Variants in GMEB2 observed in about 807,000 individuals in gnomAD.
The protein encoded by GMEB2 is glucocorticoid modulatory element binding protein 2, also known as glucocorticoid modulatory element-binding protein 2.
In GMEB2, 7 loss-of-function variants were observed where a neutral mutation model predicts 45.7. That is an observed-to-expected ratio of 0.15 (90% CI 0.09 to 0.29). GMEB2 has a LOEUF of 0.29. GMEB2 is among the 10% of genes least tolerant of loss of function. The probability of loss-of-function intolerance (pLI) is 1.00; values close to 1 mark genes in which losing one functional copy is unlikely to be tolerated. For synonymous variants in GMEB2, 322 were observed against 323.6 expected (o/e 1.00, Z 0.05); for missense variants, 582 against 739.2 (o/e 0.79, Z 2.47).
At chr20:63,601,663 T>C (rs1345318689) in intron 4 of GMEB2, among the ~76,000 whole-genome samples, 1 of 152,176 alleles carries the variant, frequency 6.6e-6, no homozygotes, top group Non-Finnish European at 1.5e-5. Flanking sequence ...TGTTAAGCCA[T>C]GGCACCCGGC....
In GMEB2 at chr20:63,619,165, A is replaced by C. The variant is rs916344808; in HGVS notation, c.131+102T>G. 1 of 1,214,848 alleles carries C rather than the reference A, an allele frequency of 8.2e-7. No homozygotes were observed. The highest frequency in any genetic ancestry group is 1.6e-5 in the South Asian group (1 of 61,056). The allele number at this position is 1,214,848 out of a possible 1,614,324, so 75.3% of individuals were successfully genotyped here. A position where few individuals can be genotyped will look rare whatever the true frequency, so the allele number is the denominator to read the frequency against. On this transcript the variant is annotated intron_variant, in intron 2 of 9. Coordinates refer to ENST00000370077, the MANE Select transcript of GMEB2 (RefSeq NM_012384.5). The surrounding 1 kb of genome is among the most constrained non-coding windows in gnomAD (Gnocchi z 4.6). The stretch of plus-strand genomic sequence containing the variant: ...CAGTCTCAGAAGAACTGGAACTAGA[A>C]AAATCCTGACACTTGTCCCTTACTA...
chr20:63,615,307 T>G (rs1378941215), intron 2 of GMEB2, among the ~76,000 whole-genome samples: 1 of 152,120 alleles, frequency 6.6e-6, no homozygotes, highest in East Asian at 1.9e-4. Flanking sequence ...AAAGCCACTT[T>G]GCGGGGAAAG....
Position 63,598,745 on chromosome 20 carries a change from G to T in GMEB2, c.358-885C>A, listed in dbSNP as rs868155903. Among the ~76,000 whole-genome samples the T allele has an allele frequency of 2.0e-4, 31 of 152,294 alleles. No individual in the cohort carries two copies. In the Middle Eastern group the frequency reaches 0.01, roughly 50 times the overall value. ...TGGCTCTCCCTCATGCGGCTGATCA[G>T]GGAGATCCCATAGAAGTCCAGAAGG... is the stretch of plus-strand genomic sequence containing the variant. On this transcript the variant is annotated intron_variant, in intron 4 of 9. Transcript: ENST00000370077.
intron 2 of GMEB2, among the ~76,000 whole-genome samples, chr20:63,614,194 T>C (rs2089591163): frequency 6.6e-6 from 1 of 152,198 alleles, no homozygotes; most frequent in African/African-American, 2.4e-5. Context: ...TATATATGAA[T>C]ATCATTCATC....
intron 2 of GMEB2, among the ~76,000 whole-genome samples, chr20:63,613,543 T>C (rs1163547463): frequency 6.9e-6 from 1 of 145,094 alleles, no homozygotes; most frequent in East Asian, 2.0e-4. Flanking sequence ...TTTTTGAGAC[T>C]GAGTCTCGCT....
Position 63,619,403 on chromosome 20 carries a change from A to C in GMEB2, c.-6T>G, listed in dbSNP as rs1464776188. On this transcript the variant is annotated 5_prime_UTR_variant, in exon 2 of 10. Transcript: ENST00000370077. The surrounding 1 kb of genome is among the most constrained non-coding windows in gnomAD (Gnocchi z 4.6). The stretch of plus-strand genomic sequence containing the variant: ...CTCACGTCGGGAGTCGCCATGGCTC[A>C]GCGGAAGGGGACGCCCAGGCCAGCA... The C allele has an allele frequency of 1.2e-6, 2 of 1,609,274 alleles. No individual in the cohort carries two copies. The highest frequency in any genetic ancestry group is 2.7e-5 in the African/African-American group (2 of 74,910).
Position 63,590,495 on chromosome 20 carries a change from A to G in GMEB2, c.1187T>C (p.Val396Ala). ...PGVPVPQLTS[V>A]PLGKVVSTLP... Reference sequence around the variant, plus strand: ...GGTGGACACCACTTTACCAAGGGGCACGCTGGTCAGCTGGGGGACGGGCAC... The same window carrying G: ...GGTGGACACCACTTTACCAAGGGGCGCGCTGGTCAGCTGGGGGACGGGCAC... The change falls in exon 10 of 10, where the codon GTG becomes GCG. Residue 396 changes from valine to alanine, a missense_variant. By Grantham distance (64) the Val-to-Ala change is moderately conservative. Coordinates refer to ENST00000370077, the MANE Select transcript of GMEB2 (RefSeq NM_012384.5). The G allele has an allele frequency of 6.6e-7, 1 of 1,503,858 alleles. No homozygotes were observed. The highest frequency in any genetic ancestry group is 2.2e-5 in the Admixed American group (1 of 44,628). The allele number at this position is 1,503,858 out of a possible 1,614,324, so 93.2% of individuals were successfully genotyped here. A position where few individuals can be genotyped will look rare whatever the true frequency, so the allele number is the denominator to read the frequency against.
At position 63,619,443 on chromosome 20, in the gene GMEB2, G is replaced by C. The variant is rs1218637875; in HGVS notation, c.-46C>G. On this transcript the variant is annotated 5_prime_UTR_variant, in exon 2 of 10. Transcript: ENST00000370077. The surrounding 1 kb of genome is among the most constrained non-coding windows in gnomAD (Gnocchi z 4.6). ...CCAGGCCAGCAGCGTCAGTCCTCCA[G>C]GGTCCCAAGTCCTGGAGGAAGCAAG... 6.3e-7 allele frequency: 1 copy of C among 1,594,430 alleles called. No individual in the cohort carries two copies. The highest frequency in any genetic ancestry group is 8.5e-7 in the Non-Finnish European group (1 of 1,174,560).
chr20:63,621,463 C>G (rs530515305), intron 1 of GMEB2, among the ~76,000 whole-genome samples: 1 of 152,126 alleles, frequency 6.6e-6, no homozygotes, highest in East Asian at 1.9e-4. Flanking sequence ...GTCAGGAGTT[C>G]GAGACCATCC....
Position 63,604,823 on chromosome 20 carries a change from T to C in GMEB2, c.149A>G (p.Asp50Gly), listed in dbSNP as rs767995890. 2 of 1,608,680 alleles carry C rather than the reference T, an allele frequency of 1.2e-6. No homozygotes were observed. The change falls in exon 3 of 10, where the codon GAT becomes GGT. Residue 50 changes from aspartate to glycine, a missense_variant. Physicochemically the swap from Asp to Gly is moderately conservative, Grantham distance 94. Around this residue, in one of 3 missense-constraint regions of GMEB2, gnomAD observed 114 missense variants for 123.4 expected, o/e 0.92. Transcript: ENST00000370077. ...LAPHGGDLTE[D>G]NMETENAAAA... is the part of the protein sequence containing the mutation. ...CGCTGCATTTTCTGTCTCCATGTTA[T>C]CTTCCGTCAGGTCGCCCCTGGTGAA... is the stretch of plus-strand genomic sequence containing the variant.
chr20:63,601,434 A>G (rs564376099), intron 4 of GMEB2, among the ~76,000 whole-genome samples: 1 of 152,236 alleles, frequency 6.6e-6, no homozygotes, highest in East Asian at 1.9e-4. Context: ...CTCTTCAGCT[A>G]TGGCTAATCT....
At chr20:63,605,802 A>G (rs1008019712) in intron 2 of GMEB2, among the ~76,000 whole-genome samples, 2 of 152,134 alleles carry the variant, frequency 1.3e-5, no homozygotes, top group African/African-American at 4.8e-5. Context: ...CCAAAATAAA[A>G]AAATTAGCCA....
rs2083253287 is a variant in GMEB2 at position 63,603,098 on chromosome 20, C to T, written c.230-6G>A. On this transcript the variant is annotated splice_polypyrimidine_tract_variant and splice_region_variant and intron_variant, in intron 3 of 9. Coordinates refer to ENST00000370077, the MANE Select transcript of GMEB2 (RefSeq NM_012384.5). ...CCCCTCTTCAGCCATCTTCACTTCT[C>T]ACAGGCACATTGACAGGGAAGGGTA... 1 of 1,613,922 alleles carries T rather than the reference C, an allele frequency of 6.2e-7. No homozygotes were observed. Among genetic ancestry groups the T allele is most frequent in the Admixed American group, 1.7e-5 (1 of 60,002 alleles).
Position 63,589,778 on chromosome 20 carries a change from G to T in GMEB2, c.*311C>A. The T allele has an allele frequency of 3.7e-6, 1 of 268,024 alleles. No homozygotes were observed. The highest frequency in any genetic ancestry group is 5.4e-5 in the Admixed American group (1 of 18,568). 16.6% of individuals were successfully genotyped at this position (268,024 alleles called of 1,614,324 possible). On this transcript the variant is annotated 3_prime_UTR_variant, in exon 10 of 10. Coordinates refer to ENST00000370077, the MANE Select transcript of GMEB2 (RefSeq NM_012384.5). ...CTCTGCTGCACCCAGGCTCCCCCTA[G>T]CCCCCGCCCACCTGGCTCCTGATCA...
chr20:63,626,740 A>AGCGCCGCCGCCCGCGCCCGCCACCGCCC (rs959874611), intron 1 of GMEB2, among the ~76,000 whole-genome samples: 1 of 147,362 alleles, frequency 6.8e-6, no homozygotes, highest in African/African-American at 2.5e-5. Context: ...GGAGGCAGGA[A>AGCGCCGCCGCCCGCGCCCGCCACCGCCC]GCGCCGCCGC....
chr20:63,604,200 GAAAAAA>G (rs35469694), intron 3 of GMEB2, among the ~76,000 whole-genome samples: 6 of 118,966 alleles, frequency 5.0e-5, no homozygotes, highest in Admixed American at 1.8e-4. Flanking sequence ...CCTATTTCTT[GAAAAAA>G]AAAAAAAAAA....
chr20:63,590,831 G>C, intron 9 of GMEB2, 102 bp from the exon 10 acceptor site: 1 of 694,918 alleles, frequency 1.4e-6, no homozygotes, highest in Non-Finnish European at 2.2e-6. Context: ...TGGCCCCTGG[G>C]TCAGTGGCAA....
rs370574502 is a variant in GMEB2 at position 63,604,830 on chromosome 20, T to G, written c.142A>C (p.Thr48Pro). The change falls in exon 3 of 10, where the codon ACG (threonine) becomes CCG (proline). Residue 48 changes from threonine to proline, a missense_variant. Transcript: ENST00000370077. ...TNLAPHGGDL[T>P]EDNMETENAA... Reference sequence around the variant, plus strand: ...TTTTCTGTCTCCATGTTATCTTCCGTCAGGTCGCCCCTGGTGAAGTGAAGG... The same window carrying G: ...TTTTCTGTCTCCATGTTATCTTCCGGCAGGTCGCCCCTGGTGAAGTGAAGG... 2 of 1,605,686 alleles carry G rather than the reference T, an allele frequency of 1.2e-6. No individual in the cohort carries two copies. The highest frequency in any genetic ancestry group is 1.7e-5 in the Admixed American group (1 of 60,008).
chr20:63,606,569 G>A (rs962311620), intron 2 of GMEB2, among the ~76,000 whole-genome samples: 1 of 152,208 alleles, frequency 6.6e-6, no homozygotes, highest in Admixed American at 6.5e-5. Context: ...GGATGGTCTC[G>A]ATCTCCTGAC....
Sources: gnomAD v4.1 joint callset for allele counts (sites outside exome capture counted in the v4.1 genomes callset) on GRCh38, gnomAD v4.1.1 for gene constraint, gnomAD v4.1.1 regional missense constraint, Gnocchi (gnomAD v3.1) non-coding constraint, MANE v1.5 for transcripts, NCBI Gene and HGNC (gene_info 2026-07-23, HGNC 2026-07-21) for gene names.